Variants in PPFIBP1 observed in about 807,000 individuals in gnomAD.
PPFIBP1 encodes the protein PPFIB scaffold protein 1.
A neutral mutation model predicts 137.8 loss-of-function variants in PPFIBP1; 112 were observed. That is an observed-to-expected ratio of 0.81 (90% confidence interval 0.70 to 0.95). The LOEUF is 0.95. PPFIBP1 is among the 40% of genes least tolerant of loss of function. PPFIBP1 has a pLI of 0.00. For synonymous variants in PPFIBP1, 378 were observed against 417.3 expected, an observed-to-expected ratio of 0.91 and a Z score of 1.15; for missense variants, 1,083 against 1,196.6, an observed-to-expected ratio of 0.91 and a Z score of 1.40.
intron 20 of PPFIBP1, 66 bp downstream of exon 20, chr12:27,679,705 T>G: frequency 6.4e-7 from 1 of 1,553,718 alleles, no homozygotes; most frequent in Non-Finnish European, 8.8e-7. Context: ...TGGCTGGACA[T>G]GGGTATGGAC....
At chr12:27,565,595 A>T (rs1381077656) in intron 1 of PPFIBP1, among the ~76,000 whole-genome samples, 3 of 152,160 alleles carry the variant, frequency 2.0e-5, no homozygotes, top group African/African-American at 7.2e-5. Flanking sequence ...GCATAAAAAC[A>T]TTCAGGATGT....
chr12:27,538,660 G>A (rs2135957377), intron 1 of PPFIBP1, among the ~76,000 whole-genome samples: 1 of 152,320 alleles, frequency 6.6e-6, no homozygotes, highest in East Asian at 1.9e-4. Flanking sequence ...GTGATGAGAT[G>A]ATTGGTTCAT....
intron 2 of PPFIBP1, among the ~76,000 whole-genome samples, chr12:27,580,655 A>C (rs2051015814): frequency 6.6e-6 from 1 of 152,246 alleles, no homozygotes; most frequent in African/African-American, 2.4e-5. Context: ...TTCGGTTTTT[A>C]ATTTAAGTGT....
intron 4 of PPFIBP1, among the ~76,000 whole-genome samples, chr12:27,637,769 C>A (rs1385258180): frequency 3.9e-5 from 6 of 152,114 alleles, no homozygotes; most frequent in African/African-American, 1.4e-4. Context: ...CCACGATAGA[C>A]TTTATTTTAG....
Position 27,682,473 on chromosome 12 carries a change from G to GATCTGAAGAAGAAAAACC in PPFIBP1, c.2134_2135insTCTGAAGAAGAAAAACCA (p.Gly711_Lys712insIleTer). 1.9e-6 allele frequency: 3 copies of GATCTGAAGAAGAAAAACC among 1,613,976 alleles called. No individual in the cohort carries two copies. The highest frequency in any genetic ancestry group is 2.5e-6 in the Non-Finnish European group (3 of 1,179,864). ...GATCTGAAGAAGAAACCAATCATGG[G>GATCTGAAGAAGAAAAACC]AAGCTGGATTTCAACTGGGTCACTA... On this transcript the variant is annotated stop_gained and inframe_insertion, in exon 23 of 30. Coordinates refer to ENST00000228425, the MANE Select transcript of PPFIBP1 (RefSeq NM_003622.4). LOFTEE classifies it high-confidence loss of function.
At chr12:27,671,643 C>T (rs548656501) in intron 14 of PPFIBP1, 97 bp downstream of exon 14, 1 of 723,090 alleles carries the variant, frequency 1.4e-6, no homozygotes, top group East Asian at 2.9e-5. Context: ...CAATTTTTAC[C>T]TAGAGAAGCA....
intron 4 of PPFIBP1, among the ~76,000 whole-genome samples, chr12:27,643,164 T>C (rs1057459847): frequency 1.4e-5 from 2 of 145,214 alleles, no homozygotes; most frequent in Admixed American, 7.2e-5. Context: ...AGGTCAACCA[T>C]GGCGTGCATA....
chr12:27,638,407 G>T (rs2057842253), intron 4 of PPFIBP1, among the ~76,000 whole-genome samples: 1 of 152,188 alleles, frequency 6.6e-6, no homozygotes, highest in African/African-American at 2.4e-5. Context: ...TCAAATGCAG[G>T]CTGCAGTGAC....
intron 2 of PPFIBP1, chr12:27,594,080 C>CA (rs1565833580): frequency 2.0e-5 from 25 of 1,249,052 alleles, no homozygotes; most frequent in Non-Finnish European, 2.5e-5. Flanking sequence ...TGAGAAGCTT[C>CA]AAAAAAAGAA....
intron 2 of PPFIBP1, among the ~76,000 whole-genome samples, chr12:27,610,263 T>C (rs1374279736): frequency 2.0e-5 from 3 of 152,234 alleles, no homozygotes; most frequent in Non-Finnish European, 4.4e-5. Context: ...ATAATTAATA[T>C]GAAAAGCTTT....
At chr12:27,612,766 C>T (rs1455772315) in intron 2 of PPFIBP1, among the ~76,000 whole-genome samples, 1 of 152,064 alleles carries the variant, frequency 6.6e-6, no homozygotes, top group Non-Finnish European at 1.5e-5. Flanking sequence ...ATTTTGTTCC[C>T]CCTATCCTAA....
chr12:27,593,313 T>C (rs1024041130), intron 2 of PPFIBP1: 5 of 375,666 alleles, frequency 1.3e-5, no homozygotes, highest in Middle Eastern at 8.8e-4. Context: ...TTCGGGCCCC[T>C]TGGGACCTGC....
chr12:27,686,171 C>G lies in PPFIBP1; in HGVS notation c.2248-1214C>G, dbSNP rs567575360. ...TTAAGGAATTACTCCAGAAAAACTT[C>G]AGGAAATAATTTTTGCCTGGTTAGT... On this transcript the variant is annotated intron_variant, in intron 24 of 29. Coordinates refer to ENST00000228425, the MANE Select transcript of PPFIBP1 (RefSeq NM_003622.4). Among the ~76,000 whole-genome samples the G allele has an allele frequency of 5.9e-5, 9 of 152,236 alleles. No individual in the cohort carries two copies. In the South Asian group the frequency reaches 1.7e-3, roughly 28 times the overall value.
At chr12:27,688,990 A>G (rs1255201723) in intron 26 of PPFIBP1, 25 bp from the exon 27 acceptor site, 2 of 1,525,220 alleles carry the variant, frequency 1.3e-6, no homozygotes. Flanking sequence ...ACTTTTGACA[A>G]GCTTTTTTTT....
chr12:27,644,772 T>A (rs2058358317), intron 4 of PPFIBP1, among the ~76,000 whole-genome samples: 1 of 152,204 alleles, frequency 6.6e-6, no homozygotes, highest in African/African-American at 2.4e-5. Flanking sequence ...AGCAGCTGAT[T>A]TTAAAATTTT....
At chr12:27,634,880 T>C in intron 3 of PPFIBP1, 30 bp from the exon 4 acceptor site, 5 of 1,581,840 alleles carry the variant, frequency 3.2e-6, no homozygotes, top group Non-Finnish European at 4.3e-6. Flanking sequence ...ATAAATCCCA[T>C]TGCTCTCTCT....
chr12:27,636,300 T>C (rs573326393), intron 4 of PPFIBP1: 2 of 152,302 alleles, frequency 1.3e-5, no homozygotes, highest in African/African-American at 4.8e-5. Context: ...CTTACTATTA[T>C]ACTTTCTATT....
At chr12:27,564,817 G>A (rs1050303339) in intron 1 of PPFIBP1, among the ~76,000 whole-genome samples, 1 of 151,896 alleles carries the variant, frequency 6.6e-6, no homozygotes, top group African/African-American at 2.4e-5. Context: ...TTCCCAGGCC[G>A]CCAGCCCCTT....
intron 6 of PPFIBP1, among the ~76,000 whole-genome samples, chr12:27,649,418 T>C (rs1593129086): frequency 1.3e-5 from 2 of 152,212 alleles, no homozygotes; most frequent in African/African-American, 4.8e-5. Context: ...CCATCATCAA[T>C]GTTATCATCA....
Sources: allele counts gnomAD v4.1 joint callset (sites outside exome capture counted in the v4.1 genomes callset), GRCh38; gene constraint gnomAD v4.1.1; transcripts MANE v1.5; gene names NCBI Gene and HGNC (gene_info 2026-07-23, HGNC 2026-07-21).